The following PLEKHA5 variants were observed in gnomAD, a reference collection of about 807,000 sequenced individuals.
The protein encoded by PLEKHA5 is pleckstrin homology domain containing A5, also known as pleckstrin homology domain-containing family A member 5.
PLEKHA5 carries 55 observed loss-of-function variants against 181.9 expected under a neutral mutation model. The observed-to-expected ratio is 0.30, with a 90% CI of 0.24 to 0.38. PLEKHA5 has a LOEUF of 0.38. Among genes scored for constraint, PLEKHA5 ranks in the 10% least tolerant of loss-of-function variants. The pLI, the probability that PLEKHA5 is intolerant of heterozygous loss-of-function variation, is 1.00. For synonymous variants in PLEKHA5, 535 were observed against 529.4 expected (o/e 1.01, Z -0.15); for missense variants, 1,432 against 1,549.5 (o/e 0.92, Z 1.27).
chr12:19,293,260 C>A (rs1241981839), intron 15 of PLEKHA5, among the ~76,000 whole-genome samples: 2 of 152,084 alleles, frequency 1.3e-5, no homozygotes, highest in African/African-American at 2.4e-5. Flanking sequence ...TAGGATAACC[C>A]TTTGAAAGGT....
In PLEKHA5 at chr12:19,290,750, C is replaced by T. The variant is rs1445349110; in HGVS notation, c.1937C>T (p.Thr646Met). ...QAELSSIREHTLAQLMQLKLE... is the reference protein window; with the variant it reads ...QAELSSIREHMLAQLMQLKLE... ...GAACTGAGTAGTATCCGGGAGCATA[C>T]GTTAGCACAGCTCATGCAGCTAAAG... The change falls in exon 14 of 32, where the codon ACG (threonine) becomes ATG (methionine). Residue 646 changes from threonine to methionine, a missense_variant. Around this residue, in one of 2 missense-constraint regions of PLEKHA5, gnomAD observed 1,143 missense variants for 1,168.4 expected, o/e 0.98. Transcript: ENST00000429027. The T allele has an allele frequency of 3.3e-6, 5 of 1,535,774 alleles. No individual in the cohort carries two copies. The highest frequency in any genetic ancestry group is 4.9e-5 in the East Asian group (2 of 40,912).
intron 11 of PLEKHA5, among the ~76,000 whole-genome samples, chr12:19,280,036 G>GGTT (rs2075674107): frequency 1.8e-5 from 1 of 54,492 alleles, no homozygotes. Flanking sequence ...AATGAAACCT[G>GGTT]TTTTTTTTTT....
intron 3 of PLEKHA5, among the ~76,000 whole-genome samples, chr12:19,238,871 A>C (rs1309134253): frequency 1.3e-5 from 2 of 151,208 alleles, no homozygotes; most frequent in Non-Finnish European, 2.9e-5. Context: ...TTAACATAAA[A>C]GTTTTACTCA....
chr12:19,324,728 G>A (rs986271118), intron 20 of PLEKHA5, among the ~76,000 whole-genome samples: 1 of 152,174 alleles, frequency 6.6e-6, no homozygotes, highest in Admixed American at 6.6e-5. Context: ...CAGCAAAGAT[G>A]AGAACATAGG....
Position 19,369,729 on chromosome 12 carries a change from C to T in PLEKHA5, c.3791C>T (p.Ser1264Leu), listed in dbSNP as rs1377654102. The T allele has an allele frequency of 8.1e-6, 13 of 1,612,370 alleles. No individual in the cohort carries two copies. The highest frequency in any genetic ancestry group is 1.7e-5 in the Admixed American group (1 of 59,596). Reference sequence around the variant, plus strand: ...TCCCCATCTCCTGAGTCCTCGGCATCGCCAGTTCCATCCACTCAGCCGCAG... The same window carrying T: ...TCCCCATCTCCTGAGTCCTCGGCATTGCCAGTTCCATCCACTCAGCCGCAG... ...SLSPSPESSA[S>L]PVPSTQPQLT... Residue 1264 changes from serine (S) to leucine (L), a missense_variant, in exon 31 of 32, where the codon TCG becomes TTG. Ser to Leu is a moderately radical substitution (Grantham distance 145, BLOSUM62 -2). This residue lies in a region of PLEKHA5 where 1,143 missense variants were observed against 1,168.4 expected (regional missense o/e 0.98). Transcript: ENST00000429027.
Position 19,237,289 on chromosome 12 carries a change from T to C in PLEKHA5, c.228-16651T>C, listed in dbSNP as rs566410526. Among the ~76,000 whole-genome samples, 3 of 152,332 alleles carry C rather than the reference T, an allele frequency of 2.0e-5. No homozygotes were observed. In the East Asian group the frequency reaches 5.8e-4, roughly 29 times the overall value. The stretch of plus-strand genomic sequence containing the variant: ...TTTTAAGATTTGAGCATTGGGAATG[T>C]CTTCCTCTTAGTCTCTCCTTAACTT... On this transcript the variant is annotated intron_variant, in intron 3 of 31. Transcript: ENST00000429027.
chr12:19,225,008 G>A (rs942014360), intron 3 of PLEKHA5, among the ~76,000 whole-genome samples: 1 of 152,080 alleles, frequency 6.6e-6, no homozygotes, highest in Non-Finnish European at 1.5e-5. Flanking sequence ...ATAAAAAGGG[G>A]AGAAAAGAAT....
chr12:19,248,535 A>G (rs992749171), intron 3 of PLEKHA5, among the ~76,000 whole-genome samples: 6 of 152,184 alleles, frequency 3.9e-5, no homozygotes, highest in African/African-American at 1.4e-4. Flanking sequence ...AGATACACAA[A>G]TAATTAACAT....
intron 15 of PLEKHA5, among the ~76,000 whole-genome samples, chr12:19,301,726 G>GA (rs746127632): frequency 2.6e-5 from 4 of 152,056 alleles, no homozygotes; most frequent in East Asian, 1.9e-4. Flanking sequence ...TTACTTACAG[G>GA]AAAAAACGTA....
At chr12:19,290,882 G>T in intron 14 of PLEKHA5, 86 bp downstream of exon 14, 1 of 1,241,878 alleles carries the variant, frequency 8.1e-7, no homozygotes, top group South Asian at 1.6e-5. Flanking sequence ...AGCATCATTA[G>T]TGTTGAGCAT....
chr12:19,184,936 T>C (rs1391030100), intron 3 of PLEKHA5, among the ~76,000 whole-genome samples: 1 of 152,012 alleles, frequency 6.6e-6, no homozygotes, highest in Non-Finnish European at 1.5e-5. Flanking sequence ...CTTCAAGAAG[T>C]GATTGTTATA....
chr12:19,352,076 C>CAAA (rs1188985121), intron 25 of PLEKHA5, among the ~76,000 whole-genome samples: 8 of 39,840 alleles, frequency 2.0e-4, no homozygotes, highest in African/African-American at 5.4e-4. Context: ...AACTCCATCT[C>CAAA]AAAAAAAAAA....
At chr12:19,340,751 GCAGCATGCTCGTTAAGAGT>G (rs2093838133) in intron 21 of PLEKHA5, among the ~76,000 whole-genome samples, 1 of 147,504 alleles carries the variant, frequency 6.8e-6, no homozygotes, top group South Asian at 2.2e-4. Flanking sequence ...ATGCTTGAAG[GCAGCATGCTCGTTAAGAGT>G]CATCACCACT....
intron 3 of PLEKHA5, among the ~76,000 whole-genome samples, chr12:19,252,015 G>T (rs569626731): frequency 3.1e-4 from 47 of 152,132 alleles, no homozygotes; most frequent in Non-Finnish European, 6.3e-4. Context: ...TTAACAGATG[G>T]CTCTATGTGC....
At chr12:19,175,933 C>T (rs561380973) in intron 3 of PLEKHA5, among the ~76,000 whole-genome samples, 6 of 152,082 alleles carry the variant, frequency 3.9e-5, no homozygotes, top group Non-Finnish European at 5.9e-5. Flanking sequence ...GGTTGTACCC[C>T]ACACCTCAGT....
intron 7 of PLEKHA5, among the ~76,000 whole-genome samples, chr12:19,261,467 T>A (rs1273595480): frequency 6.6e-6 from 1 of 152,196 alleles, no homozygotes. Context: ...TTTTGAACTT[T>A]TTTTTTGACC....
chr12:19,129,996 T>C, intron 1 of PLEKHA5, 55 bp from the exon 2 acceptor site: 33 of 1,481,212 alleles, frequency 2.2e-5, no homozygotes, highest in Non-Finnish European at 3.0e-5. Flanking sequence ...GCCCCTCGGC[T>C]CGCCCCCGCG....
chr12:19,137,549 G>A (rs1244737849), intron 3 of PLEKHA5, among the ~76,000 whole-genome samples: 1 of 152,204 alleles, frequency 6.6e-6, no homozygotes, highest in Non-Finnish European at 1.5e-5. Context: ...GGAGTTTGTA[G>A]TGTAGAGATA....
At chr12:19,167,898 C>T (rs754533059) in intron 3 of PLEKHA5, among the ~76,000 whole-genome samples, 51 of 152,082 alleles carry the variant, frequency 3.4e-4, no homozygotes, top group Non-Finnish European at 5.7e-4. Context: ...GTTCCCTCAG[C>T]CTTCCATAAG....
Sources: gnomAD v4.1 joint callset for allele counts (sites outside exome capture counted in the v4.1 genomes callset) on GRCh38, gnomAD v4.1.1 for gene constraint, gnomAD v4.1.1 regional missense constraint, MANE v1.5 for transcripts, NCBI Gene and HGNC (gene_info 2026-07-23, HGNC 2026-07-21) for gene names.